Variants in ZSWIM5 observed in about 807,000 individuals in gnomAD.
The protein encoded by ZSWIM5 is zinc finger SWIM-type containing 5.
A neutral mutation model predicts 119.6 loss-of-function variants in ZSWIM5; 55 were observed. The observed-to-expected ratio is 0.46, with a 90% CI of 0.37 to 0.58. ZSWIM5 has a LOEUF of 0.58. ZSWIM5 is among the 20% of genes least tolerant of loss of function. The pLI is 0.00. For missense variants in ZSWIM5, 1,193 were observed against 1,512.8 expected (o/e 0.79, Z 3.51); for synonymous variants, 537 against 606.9 (o/e 0.88, Z 1.69).
intron 1 of ZSWIM5, among the ~76,000 whole-genome samples, chr1:45,186,923 C>T (rs1447852119): frequency 5.9e-5 from 9 of 152,118 alleles, no homozygotes; most frequent in African/African-American, 1.9e-4. Context: ...AGAAAACCCC[C>T]AGACCTGTAA....
In ZSWIM5 at chr1:45,205,895, G is replaced by A; in HGVS notation, c.456C>T (p.Ala152=). 9.4e-7 allele frequency: 1 copy of A among 1,062,692 alleles called. No individual in the cohort carries two copies. Among genetic ancestry groups the A allele is most frequent in the Non-Finnish European group, 1.1e-6 (1 of 884,290 alleles). The allele number at this position is 1,062,692 out of a possible 1,614,324, so 65.8% of individuals were successfully genotyped here. The stretch of plus-strand genomic sequence containing the variant: ...ATGCCCCAGCCGCGACGCCCCCGGG[G>A]GCGGAGCCGGCCGGAGCGGCGGCCC... The part of the protein sequence containing the change: ...PPGAAAPAGS[A]PGGVAAGASP... Residue 152 remains alanine (A), a synonymous_variant, in exon 1 of 14, where the codon GCC becomes GCT. Transcript: ENST00000359600.
chr1:45,157,745 G>T (rs1645838874), intron 1 of ZSWIM5, among the ~76,000 whole-genome samples: 1 of 152,206 alleles, frequency 6.6e-6, no homozygotes, highest in Admixed American at 6.5e-5. Context: ...GTAAGTGTAT[G>T]TATGGACCTT....
chr1:45,087,240 T>C (rs1449436690), intron 2 of ZSWIM5, among the ~76,000 whole-genome samples: 2 of 152,224 alleles, frequency 1.3e-5, no homozygotes, highest in African/African-American at 4.8e-5. Flanking sequence ...TCTGGTTTCA[T>C]TATAAAAACA....
At chr1:45,078,178 C>T (rs1645266907) in intron 2 of ZSWIM5, among the ~76,000 whole-genome samples, 1 of 152,188 alleles carries the variant, frequency 6.6e-6, no homozygotes, top group African/African-American at 2.4e-5. Context: ...GCAGTAAAGA[C>T]AGGCATAAGA....
At chr1:45,089,683 A>C (rs1042110604) in intron 1 of ZSWIM5, among the ~76,000 whole-genome samples, 1 of 152,194 alleles carries the variant, frequency 6.6e-6, no homozygotes, top group African/African-American at 2.4e-5. Flanking sequence ...ATCAAAACCC[A>C]CAGACATGCT....
chr1:45,075,184 C>T (rs1361451096), intron 2 of ZSWIM5, among the ~76,000 whole-genome samples: 1 of 151,936 alleles, frequency 6.6e-6, no homozygotes, highest in Non-Finnish European at 1.5e-5. Flanking sequence ...GTGTATTCTG[C>T]AGCTGCTGGC....
chr1:45,183,688 G>C (rs1646037591), intron 1 of ZSWIM5, among the ~76,000 whole-genome samples: 1 of 152,144 alleles, frequency 6.6e-6, no homozygotes, highest in South Asian at 2.1e-4. Flanking sequence ...ACTCTCCCAA[G>C]ACTAAACCAG....
chr1:45,073,249 ATTTTTTTTTTTTTT>A (rs58448888), intron 2 of ZSWIM5, among the ~76,000 whole-genome samples: 1 of 56,052 alleles, frequency 1.8e-5, no homozygotes, highest in Non-Finnish European at 3.1e-5. Context: ...TTGCTACTGA[ATTTTTTTTTTTTTT>A]TTTTTTTTTT....
chr1:45,183,464 GT>G (rs1403365993), intron 1 of ZSWIM5, among the ~76,000 whole-genome samples: 1 of 152,012 alleles, frequency 6.6e-6, no homozygotes, highest in Non-Finnish European at 1.5e-5. Flanking sequence ...CCAGGAGCTG[GT>G]TTTTTGAAAG....
intron 1 of ZSWIM5, among the ~76,000 whole-genome samples, chr1:45,161,601 T>G (rs766882867): frequency 6.6e-6 from 1 of 152,198 alleles, no homozygotes; most frequent in African/African-American, 2.4e-5. Context: ...CCCCCACATT[T>G]TTTTTGGCTA....
chr1:45,127,900 G>A (rs1196829074), intron 1 of ZSWIM5, among the ~76,000 whole-genome samples: 5 of 152,206 alleles, frequency 3.3e-5, no homozygotes, highest in Non-Finnish European at 5.9e-5. Flanking sequence ...AAGAAAAGAC[G>A]AGGGAGTATA....
In ZSWIM5 at chr1:45,189,491, CA is replaced by C. The variant is rs1406322793; in HGVS notation, c.595+16264del. Among the ~76,000 whole-genome samples the C allele has an allele frequency of 3.3e-5, 5 of 152,246 alleles. No homozygotes were observed. In the East Asian group the frequency reaches 9.6e-4, roughly 29 times the overall value. Reference sequence around the variant, plus strand: ...TACATAATAGGCCAGGCTGGTGACTCACACCTGCAATCCCAGCACTTTGGGA... The same window carrying C: ...TACATAATAGGCCAGGCTGGTGACTCCACCTGCAATCCCAGCACTTTGGGA... On this transcript the variant is annotated intron_variant, in intron 1 of 13. Coordinates refer to ENST00000359600, the MANE Select transcript of ZSWIM5 (RefSeq NM_020883.2).
chr1:45,104,106 T>C (rs1173066949), intron 1 of ZSWIM5, among the ~76,000 whole-genome samples: 3 of 152,334 alleles, frequency 2.0e-5, no homozygotes, highest in African/African-American at 7.2e-5. Flanking sequence ...AACTGCATAG[T>C]ATAAATTAGA....
intron 1 of ZSWIM5, among the ~76,000 whole-genome samples, chr1:45,160,440 T>C (rs1645856285): frequency 6.6e-6 from 1 of 152,170 alleles, no homozygotes. Flanking sequence ...CCTACTCATG[T>C]ACTCCTCCCA....
rs113268607 is a variant in ZSWIM5, at chr1:45,056,087, C to T, written c.1252+2522G>A. Among the ~76,000 whole-genome samples the T allele has an allele frequency of 8.2e-3, 1,244 of 152,236 alleles. 19 individuals are homozygous for T. Among genetic ancestry groups the T allele is most frequent in the African/African-American group, 0.029 (1,187 of 41,534 alleles). ...GCAATATGGAAATTATTTGTGATTTCGACAACAGCTACTTCAGGAGACTGG... is the reference window on the plus strand; with the variant it reads ...GCAATATGGAAATTATTTGTGATTTTGACAACAGCTACTTCAGGAGACTGG... On this transcript the variant is annotated intron_variant, in intron 4 of 13. Transcript: ENST00000359600.
chr1:45,077,232 C>T (rs1286107757), intron 2 of ZSWIM5, among the ~76,000 whole-genome samples: 2 of 152,088 alleles, frequency 1.3e-5, no homozygotes, highest in African/African-American at 2.4e-5. Context: ...TTGTTTGTAC[C>T]TGTCTATTGG....
chr1:45,056,740 C>G (rs1645126100), intron 4 of ZSWIM5, among the ~76,000 whole-genome samples: 1 of 152,052 alleles, frequency 6.6e-6, no homozygotes, highest in South Asian at 2.1e-4. Flanking sequence ...GGAGATAGAA[C>G]AGAACCCAGA....
chr1:45,087,290 A>G (rs1466162874), intron 2 of ZSWIM5, among the ~76,000 whole-genome samples: 1 of 152,234 alleles, frequency 6.6e-6, no homozygotes, highest in Admixed American at 6.5e-5. Flanking sequence ...CTACTAGGTT[A>G]TAAGCTACTT....
chr1:45,083,505 C>G (rs1452372153), intron 2 of ZSWIM5, among the ~76,000 whole-genome samples: 1 of 152,168 alleles, frequency 6.6e-6, no homozygotes, highest in Middle Eastern at 3.2e-3. Flanking sequence ...TTGCCTTGAC[C>G]TCCCAAAGTG....
Sources: gnomAD v4.1 joint callset for allele counts (sites outside exome capture counted in the v4.1 genomes callset) on GRCh38, gnomAD v4.1.1 for gene constraint, MANE v1.5 for transcripts, NCBI Gene and HGNC (gene_info 2026-07-23, HGNC 2026-07-21) for gene names.